BEND6: variants seen among roughly 807,000 people sequenced by gnomAD.
BEND6 encodes BEN domain containing 6.
Under a neutral mutation model 31.8 loss-of-function variants are expected in BEND6, and 24 were observed. The observed-to-expected ratio is 0.75, with a 90% CI of 0.55 to 1.06. The LOEUF (loss-of-function observed/expected upper bound fraction) is 1.06. BEND6 is among the 50% of genes least tolerant of loss of function. BEND6 has a pLI of 0.00. For synonymous variants in BEND6, 109 were observed against 114.6 expected, an observed-to-expected ratio of 0.95 and a Z score of 0.31; for missense variants, 294 against 327.4, an observed-to-expected ratio of 0.90 and a Z score of 0.79.
intron 1 of BEND6, among the ~76,000 whole-genome samples, chr6:56,972,086 C>CTTTTTTT (rs35524907): frequency 3.2e-5 from 2 of 62,530 alleles, no homozygotes; most frequent in African/African-American, 6.4e-5. Context: ...ACTTTACTTT[C>CTTTTTTT]TTTTTTTTTT....
chr6:56,995,431 G>T (rs140243562), intron 3 of BEND6, among the ~76,000 whole-genome samples: 105 of 152,158 alleles, frequency 6.9e-4, no homozygotes, highest in African/African-American at 2.3e-3. Context: ...TCATCTCCAT[G>T]TATTAGCTAG....
At chr6:57,001,566 G>A (rs1011091794) in intron 3 of BEND6, among the ~76,000 whole-genome samples, 2 of 152,194 alleles carry the variant, frequency 1.3e-5, no homozygotes, top group Admixed American at 6.5e-5. Context: ...TTGCAAGGCA[G>A]GAGAGGTTAG....
chr6:56,988,703 G>A (rs1242626975), intron 2 of BEND6, among the ~76,000 whole-genome samples: 2 of 152,018 alleles, frequency 1.3e-5, no homozygotes, highest in Admixed American at 6.6e-5. Context: ...AGAGGTAATC[G>A]TATTCAATTT....
rs571146298 is a variant in BEND6 at position 56,982,061 on chromosome 6, A to G, written c.120+131A>G. On this transcript the variant is annotated intron_variant, in intron 2 of 6. Coordinates refer to ENST00000370746, the MANE Select transcript of BEND6 (RefSeq NM_152731.3). The stretch of plus-strand genomic sequence containing the variant: ...CTTTTCATTTCTTTATTCAATGGAG[A>G]AAATATAATCTTATGTTCTTTTTCT... The G allele has an allele frequency of 2.3e-5, 26 of 1,106,456 alleles. No individual in the cohort carries two copies. In the African/African-American group the frequency reaches 4.0e-4, roughly 17 times the overall value. The allele number at this position is 1,106,456 out of a possible 1,614,324, so 68.5% of individuals were successfully genotyped here.
At chr6:56,982,831 A>G (rs754291014) in intron 2 of BEND6, among the ~76,000 whole-genome samples, 1 of 152,184 alleles carries the variant, frequency 6.6e-6, no homozygotes, top group Non-Finnish European at 1.5e-5. Context: ...TAAATCAAAT[A>G]TGAATATACA....
intron 1 of BEND6, among the ~76,000 whole-genome samples, chr6:56,966,905 A>G (rs1825500773): frequency 6.6e-6 from 1 of 152,230 alleles, no homozygotes; most frequent in South Asian, 2.1e-4. Context: ...CATGAAGAAA[A>G]GAGCAAAAAA....
At chr6:56,957,153 A>G (rs938366699) in intron 1 of BEND6, among the ~76,000 whole-genome samples, 1 of 152,250 alleles carries the variant, frequency 6.6e-6, no homozygotes. Context: ...TTTCTGAGCT[A>G]TGACTTTAGC....
chr6:57,010,185 G>A (rs1827297474), intron 3 of BEND6: 1 of 152,150 alleles, frequency 6.6e-6, no homozygotes, highest in Admixed American at 6.5e-5. Flanking sequence ...ACAGGGAACA[G>A]GAGAATATGT....
intron 3 of BEND6, among the ~76,000 whole-genome samples, chr6:57,007,100 G>T (rs192022399): frequency 4.6e-5 from 7 of 152,138 alleles, no homozygotes; most frequent in African/African-American, 1.7e-4. Flanking sequence ...GACCACCCTG[G>T]GCAACACAGG....
chr6:56,987,177 A>C (rs1442751461), intron 2 of BEND6, among the ~76,000 whole-genome samples: 2 of 151,770 alleles, frequency 1.3e-5, no homozygotes, highest in Admixed American at 6.6e-5. Context: ...ACGAGGTTTC[A>C]CCATATTGGC....
At chr6:56,986,336 G>T (rs1003786544) in intron 2 of BEND6, among the ~76,000 whole-genome samples, 16 of 152,222 alleles carry the variant, frequency 1.1e-4, no homozygotes, top group African/African-American at 3.9e-4. Flanking sequence ...TACTCGGGAG[G>T]CTAAGGCGGG....
chr6:57,014,372 C>T, intron 3 of BEND6: 1 of 665,412 alleles, frequency 1.5e-6, no homozygotes, highest in Non-Finnish European at 2.3e-6. Context: ...ACCTCTCCAG[C>T]AGGCTGTGCC....
intron 3 of BEND6, among the ~76,000 whole-genome samples, chr6:57,000,668 A>G (rs1826901462): frequency 6.6e-6 from 1 of 151,844 alleles, no homozygotes; most frequent in Admixed American, 6.6e-5. Context: ...GACCCTTTCC[A>G]AAATCTGGAG....
At chr6:56,980,210 CAG>C (rs1211212633) in intron 1 of BEND6, among the ~76,000 whole-genome samples, 1 of 152,128 alleles carries the variant, frequency 6.6e-6, no homozygotes, top group Non-Finnish European at 1.5e-5. Context: ...TTTTTGGAGA[CAG>C]AGGCTCCCTC....
intron 1 of BEND6, among the ~76,000 whole-genome samples, chr6:56,961,400 A>T (rs1298910141): frequency 6.6e-6 from 1 of 152,176 alleles, no homozygotes; most frequent in Non-Finnish European, 1.5e-5. Flanking sequence ...ATCTTTAAAC[A>T]TATTGGGAGG....
intron 2 of BEND6, among the ~76,000 whole-genome samples, chr6:56,988,764 C>T (rs1402788482): frequency 2.0e-5 from 3 of 152,140 alleles, no homozygotes; most frequent in Non-Finnish European, 2.9e-5. Context: ...CGTGGTGGCT[C>T]ATGCCTGTAA....
chr6:56,999,601 G>A (rs1328956979), intron 3 of BEND6, among the ~76,000 whole-genome samples: 2 of 152,176 alleles, frequency 1.3e-5, no homozygotes, highest in Non-Finnish European at 2.9e-5. Flanking sequence ...GCTATCAGGA[G>A]ACCTGAAGGT....
chr6:56,971,721 G>C (rs1825695320), intron 1 of BEND6, among the ~76,000 whole-genome samples: 1 of 152,084 alleles, frequency 6.6e-6, no homozygotes, highest in Admixed American at 6.5e-5. Flanking sequence ...AATGATTAGT[G>C]ATGCTGAGCA....
intron 6 of BEND6, among the ~76,000 whole-genome samples, chr6:57,024,371 T>TC (rs1291930782): frequency 1.3e-5 from 2 of 152,258 alleles, no homozygotes; most frequent in Admixed American, 1.3e-4. Flanking sequence ...TAAAGAGCTC[T>TC]CTTTAGATTT....
Sources: gnomAD v4.1 joint callset for allele counts (sites outside exome capture counted in the v4.1 genomes callset) on GRCh38, gnomAD v4.1.1 for gene constraint, MANE v1.5 for transcripts, NCBI Gene and HGNC (gene_info 2026-07-23, HGNC 2026-07-21) for gene names.